Variants in BLTP3B observed in about 807,000 individuals in gnomAD.
BLTP3B encodes the protein bridge-like lipid transfer protein family member 3B.
the BLTP3B span, among the ~76,000 whole-genome samples, chr12:100,111,259 T>C: frequency 2.7e-5 from 4 of 150,480 alleles, no homozygotes; most frequent in African/African-American, 7.3e-5. Flanking sequence ...TGACTACCTA[T>C]GGCTGGTGGG....
At chr12:100,128,520 T>G in the BLTP3B span, 1 of 1,112,574 alleles carries the variant, frequency 9.0e-7, no homozygotes, top group Admixed American at 3.7e-5. Context: ...GCAGGGCATA[T>G]TAAGTGCTTG....
the BLTP3B span, chr12:100,142,796 C>T: frequency 1.9e-6 from 2 of 1,078,588 alleles, no homozygotes; most frequent in East Asian, 6.1e-5. Context: ...CAGCCGCCGC[C>T]GAGAACCCGG....
At chr12:100,077,209 T>C in the BLTP3B span, among the ~76,000 whole-genome samples, 1 of 152,158 alleles carries the variant, frequency 6.6e-6, no homozygotes, top group Non-Finnish European at 1.5e-5. Context: ...TTTTCTATGT[T>C]TGGTAAGGTT....
At chr12:100,053,948 A>G in the BLTP3B span, among the ~76,000 whole-genome samples, 1 of 152,178 alleles carries the variant, frequency 6.6e-6, no homozygotes, top group East Asian at 1.9e-4. Context: ...AATGACCCTG[A>G]CATAAAAATA....
the BLTP3B span, chr12:100,059,084 T>C: frequency 3.1e-6 from 5 of 1,614,026 alleles, no homozygotes; most frequent in Non-Finnish European, 4.2e-6. Flanking sequence ...CATATCTTGT[T>C]GGTTGACAAA....
the BLTP3B span, chr12:100,103,825 T>C: frequency 8.5e-7 from 1 of 1,178,600 alleles, no homozygotes; most frequent in East Asian, 2.8e-5. Context: ...CAGACTATAT[T>C]TCCATGAAAC....
At chr12:100,127,991 C>T in the BLTP3B span, among the ~76,000 whole-genome samples, 1 of 152,066 alleles carries the variant, frequency 6.6e-6, no homozygotes, top group East Asian at 1.9e-4. Flanking sequence ...CTAGCCTGGG[C>T]AACAGAGCAA....
At chr12:100,138,839 G>A in the BLTP3B span, among the ~76,000 whole-genome samples, 1 of 149,784 alleles carries the variant, frequency 6.7e-6, no homozygotes, top group African/African-American at 2.5e-5. Context: ...CTGTTCACAG[G>A]TGTGTACATG....
chr12:100,065,027 T>C, the BLTP3B span, among the ~76,000 whole-genome samples: 3 of 152,052 alleles, frequency 2.0e-5, no homozygotes, highest in Non-Finnish European at 2.9e-5. Flanking sequence ...GCAAAACAGA[T>C]AAGAATTCAC....
the BLTP3B span, among the ~76,000 whole-genome samples, chr12:100,086,626 A>G: frequency 1.3e-5 from 2 of 152,282 alleles, no homozygotes; most frequent in Admixed American, 1.3e-4. Context: ...TACTAGCACA[A>G]CTTTTATATT....
the BLTP3B span, among the ~76,000 whole-genome samples, chr12:100,087,753 C>A: frequency 6.6e-6 from 1 of 152,186 alleles, no homozygotes; most frequent in African/African-American, 2.4e-5. Context: ...AAAAGGTTTT[C>A]TTCCTAAATA....
the BLTP3B span, among the ~76,000 whole-genome samples, chr12:100,070,421 G>C: frequency 6.6e-6 from 1 of 151,854 alleles, no homozygotes; most frequent in Non-Finnish European, 1.5e-5. Context: ...CACCACGCAC[G>C]GCTAATTTGG....
chr12:100,071,989 G>A, the BLTP3B span, among the ~76,000 whole-genome samples: 2 of 152,212 alleles, frequency 1.3e-5, no homozygotes, highest in Non-Finnish European at 2.9e-5. Flanking sequence ...TGCTGGACAT[G>A]GCGGCTCATG....
the BLTP3B span, among the ~76,000 whole-genome samples, chr12:100,135,883 A>AGTG: frequency 5.9e-5 from 9 of 152,302 alleles, no homozygotes; most frequent in Non-Finnish European, 1.3e-4. Flanking sequence ...TAGTACATAC[A>AGTG]GTGTCAAAAT....
At chr12:100,055,206 A>G in the BLTP3B span, among the ~76,000 whole-genome samples, 2 of 152,156 alleles carry the variant, frequency 1.3e-5, no homozygotes, top group Admixed American at 6.5e-5. Context: ...ACTGGGTTCA[A>G]ATGCTAAACT....
chr12:100,097,199 C>T, the BLTP3B span, among the ~76,000 whole-genome samples: 1 of 152,164 alleles, frequency 6.6e-6, no homozygotes, highest in Admixed American at 6.5e-5. Flanking sequence ...AGTAACTATA[C>T]CTCCCTTTAT....
the BLTP3B span, chr12:100,142,531 C>G: frequency 6.4e-7 from 1 of 1,568,328 alleles, no homozygotes. Flanking sequence ...AAGCCGCAGG[C>G]TGACTCCAGT....
the BLTP3B span, among the ~76,000 whole-genome samples, chr12:100,125,124 G>C: frequency 1.5e-4 from 23 of 149,542 alleles, no homozygotes; most frequent in East Asian, 4.6e-3. Context: ...CCGAGGTCAG[G>C]AGTTCCAGAT....
chr12:100,087,841 A>T, the BLTP3B span, among the ~76,000 whole-genome samples: 1 of 152,236 alleles, frequency 6.6e-6, no homozygotes, highest in East Asian at 1.9e-4. Flanking sequence ...TCTCATTCTT[A>T]CTACTTAATC....
Sources: gnomAD v4.1 joint callset for allele counts (sites outside exome capture counted in the v4.1 genomes callset) on GRCh38, gnomAD v4.1.1 for gene constraint, MANE v1.5 for transcripts, NCBI Gene and HGNC (gene_info 2026-07-23, HGNC 2026-07-21) for gene names.